LRP1B: variants seen among roughly 807,000 people sequenced by gnomAD.
The protein encoded by LRP1B is LDL receptor related protein 1B.
In LRP1B, 217 loss-of-function variants were observed where a neutral mutation model predicts 556.6. That is an observed-to-expected ratio of 0.39 (90% CI 0.35 to 0.44). The LOEUF is 0.44. Ranked by LOEUF, LRP1B falls within the 20% of genes least tolerant of loss-of-function variation. The probability of loss-of-function intolerance (pLI) is 1.00; values close to 1 mark genes in which losing one functional copy is unlikely to be tolerated. For missense variants in LRP1B, 5,053 were observed against 5,620.8 expected, an observed-to-expected ratio of 0.90 and a Z score of 3.23; for synonymous variants, 2,047 against 1,865.8, an observed-to-expected ratio of 1.10 and a Z score of -2.50.
chr2:141,302,150 A>G (rs1686419513), intron 3 of LRP1B, among the ~76,000 whole-genome samples: 1 of 152,150 alleles, frequency 6.6e-6, no homozygotes, highest in Non-Finnish European at 1.5e-5. Flanking sequence ...ATTCTCTTAC[A>G]GATAGGAGAG....
chr2:140,355,974 A>G (rs1682192223), intron 75 of LRP1B, among the ~76,000 whole-genome samples: 1 of 151,920 alleles, frequency 6.6e-6, no homozygotes, highest in Non-Finnish European at 1.5e-5. Flanking sequence ...AGTATTGCAA[A>G]TTCCACACTC....
At chr2:140,389,779 C>T (rs543621303) in intron 66 of LRP1B, among the ~76,000 whole-genome samples, 23 of 147,674 alleles carry the variant, frequency 1.6e-4, no homozygotes, top group Non-Finnish European at 3.0e-4. Context: ...TTGGTTTAAT[C>T]ACTGTCAAAT....
intron 2 of LRP1B, among the ~76,000 whole-genome samples, chr2:141,761,151 T>C (rs1694530417): frequency 6.6e-6 from 1 of 152,166 alleles, no homozygotes; most frequent in African/African-American, 2.4e-5. Flanking sequence ...TTAAGTTCAG[T>C]GATATTTGTG....
At chr2:141,323,465 C>A (rs1687316639) in intron 3 of LRP1B, among the ~76,000 whole-genome samples, 1 of 151,932 alleles carries the variant, frequency 6.6e-6, no homozygotes. Flanking sequence ...AAATTTGAAC[C>A]CAAATTCTTG....
At chr2:141,253,856 G>GTCGATA (rs1684360975) in intron 4 of LRP1B, among the ~76,000 whole-genome samples, 1 of 151,324 alleles carries the variant, frequency 6.6e-6, no homozygotes. Flanking sequence ...AATATTATAT[G>GTCGATA]TAGATATAGA....
chr2:141,074,263 T>C (rs75784995), intron 7 of LRP1B, among the ~76,000 whole-genome samples: 2,015 of 152,282 alleles, frequency 0.013, 46 homozygotes, highest in African/African-American at 0.046. Flanking sequence ...TTGAAGTTAA[T>C]GTCTGCTATG....
In LRP1B at chr2:141,066,788, C is replaced by T. The variant is rs144984382; in HGVS notation, c.1014-4515G>A. Among the ~76,000 whole-genome samples the T allele has an allele frequency of 5.3e-3, 801 of 151,770 alleles. 8 individuals carry two copies. The highest frequency in any genetic ancestry group is 0.018 in the African/African-American group (756 of 41,416). ...TAACTTTTTAGAAAGTTAGGTTACA[C>T]GACAAGATTTTTTTGAAGTGAAGTT... On this transcript the variant is annotated intron_variant, in intron 7 of 90. Coordinates refer to ENST00000389484, the MANE Select transcript of LRP1B (RefSeq NM_018557.3).
intron 2 of LRP1B, among the ~76,000 whole-genome samples, chr2:141,591,671 G>A (rs972425680): frequency 6.6e-6 from 1 of 151,894 alleles, no homozygotes; most frequent in East Asian, 1.9e-4. Flanking sequence ...TGGGCAGACA[G>A]ACCTAAATTT....
At chr2:141,346,903 C>T (rs1688273324) in intron 3 of LRP1B, among the ~76,000 whole-genome samples, 1 of 152,048 alleles carries the variant, frequency 6.6e-6, no homozygotes, top group African/African-American at 2.4e-5. Context: ...TTATCTAGTT[C>T]TCCACATTCT....
chr2:141,630,158 C>T (rs547418811), intron 2 of LRP1B, among the ~76,000 whole-genome samples: 4 of 152,328 alleles, frequency 2.6e-5, no homozygotes, highest in East Asian at 1.9e-4. Context: ...CACCAGCTAT[C>T]GGATTAAGTA....
intron 25 of LRP1B, among the ~76,000 whole-genome samples, chr2:140,871,862 T>C (rs1212339523): frequency 6.6e-6 from 1 of 152,088 alleles, no homozygotes; most frequent in Non-Finnish European, 1.5e-5. Context: ...TTGGTACTTC[T>C]GAAATAGCAG....
intron 90 of LRP1B, among the ~76,000 whole-genome samples, chr2:140,233,784 C>T (rs1398921240): frequency 6.6e-6 from 1 of 151,226 alleles, no homozygotes; most frequent in Non-Finnish European, 1.5e-5. Flanking sequence ...AACTTAAAAA[C>T]AAGTAAACAA....
At chr2:141,454,899 G>C (rs867893595) in intron 3 of LRP1B, among the ~76,000 whole-genome samples, 1 of 152,176 alleles carries the variant, frequency 6.6e-6, no homozygotes, top group African/African-American at 2.4e-5. Context: ...AAGACGAAGA[G>C]AGCTAGGAAA....
intron 7 of LRP1B, among the ~76,000 whole-genome samples, chr2:141,124,300 T>G (rs1455568602): frequency 6.6e-6 from 1 of 152,116 alleles, no homozygotes; most frequent in Non-Finnish European, 1.5e-5. Context: ...CTTATTTCTT[T>G]TCTCCTCCTT....
Position 140,238,291 on chromosome 2 carries a change from T to C in LRP1B, c.13421A>G (p.Lys4474Arg). 6.6e-7 allele frequency: 1 copy of C among 1,518,624 alleles called. No homozygotes were observed. Among genetic ancestry groups the C allele is most frequent in the Non-Finnish European group, 9.1e-7 (1 of 1,098,472 alleles). 94.1% of individuals were successfully genotyped at this position (1,518,624 alleles called of 1,614,324 possible). ...LVLCKRKRRT[K>R]TIRRQPIING... ...GATAATAGGTTGTCTTCTAATTGTT[T>C]TTGTCCTAGAATATATAAACATTAA... Residue 4474 changes from lysine (K) to arginine (R), a missense_variant, in exon 89 of 91, where the codon AAA becomes AGA. Lys to Arg is a conservative substitution (Grantham distance 26). Transcript: ENST00000389484.
intron 81 of LRP1B, among the ~76,000 whole-genome samples, chr2:140,323,218 T>G (rs1396925298): frequency 6.6e-6 from 1 of 151,756 alleles, no homozygotes; most frequent in African/African-American, 2.4e-5. Context: ...ATTTTTCACT[T>G]TGTTGTTCAC....
chr2:141,591,596 G>GTGTGTGTC (rs1189880389), intron 2 of LRP1B, among the ~76,000 whole-genome samples: 1 of 151,670 alleles, frequency 6.6e-6, no homozygotes, highest in Non-Finnish European at 1.5e-5. Context: ...GTGTGTGTGT[G>GTGTGTGTC]TGTGTGTGTG....
At chr2:141,288,472 C>T (rs1360406995) in intron 3 of LRP1B, among the ~76,000 whole-genome samples, 1 of 151,830 alleles carries the variant, frequency 6.6e-6, no homozygotes, top group Non-Finnish European at 1.5e-5. Context: ...GAAAAAATAA[C>T]CTAAGTAACT....
chr2:140,957,598 T>C (rs143610720), intron 18 of LRP1B, among the ~76,000 whole-genome samples: 1,538 of 151,752 alleles, frequency 0.01, 31 homozygotes, highest in African/African-American at 0.036. Context: ...TAGGTAAATG[T>C]ATACAAAGAA....
Sources: gnomAD v4.1 joint callset for allele counts (sites outside exome capture counted in the v4.1 genomes callset) on GRCh38, gnomAD v4.1.1 for gene constraint, MANE v1.5 for transcripts, NCBI Gene and HGNC (gene_info 2026-07-23, HGNC 2026-07-21) for gene names.